FBXW7: variants seen among roughly 807,000 people sequenced by gnomAD.
FBXW7 encodes the protein F-box/WD repeat-containing protein 7.
FBXW7 carries 11 observed loss-of-function variants against 86.3 expected under a neutral mutation model. The ratio of observed to expected loss-of-function variants is 0.13; its 90% confidence interval spans 0.08 to 0.21. The LOEUF is 0.21. Among genes scored for constraint, FBXW7 ranks in the 10% least tolerant of loss-of-function variants. The pLI is 1.00. For synonymous variants in FBXW7, 313 were observed against 297.9 expected (o/e 1.05, Z -0.52); for missense variants, 488 against 847.4 (o/e 0.58, Z 5.27).
chr4:152,531,452 A>G (rs2149749395), intron 2 of FBXW7, among the ~76,000 whole-genome samples: 1 of 152,300 alleles, frequency 6.6e-6, no homozygotes, highest in South Asian at 2.1e-4. Context: ...AAAAGTGTGA[A>G]TATATATTTC....
At chr4:152,470,149 T>C (rs1186871952) in intron 2 of FBXW7, among the ~76,000 whole-genome samples, 1 of 152,066 alleles carries the variant, frequency 6.6e-6, no homozygotes, top group Non-Finnish European at 1.5e-5. Context: ...TGGTATATTA[T>C]ACATATGAAA....
chr4:152,486,516 C>T (rs1745354096), intron 2 of FBXW7, among the ~76,000 whole-genome samples: 1 of 152,048 alleles, frequency 6.6e-6, no homozygotes, highest in Non-Finnish European at 1.5e-5. Context: ...AAGACACAAA[C>T]AAACACATTA....
intron 2 of FBXW7, among the ~76,000 whole-genome samples, chr4:152,418,262 A>G (rs1345892950): frequency 6.6e-6 from 1 of 152,036 alleles, no homozygotes; most frequent in Non-Finnish European, 1.5e-5. Flanking sequence ...ATACTTAAAC[A>G]TTAATGGCTG....
intron 2 of FBXW7, among the ~76,000 whole-genome samples, chr4:152,463,740 T>C (rs1743171348): frequency 6.6e-6 from 1 of 152,174 alleles, no homozygotes; most frequent in Non-Finnish European, 1.5e-5. Context: ...AAGAAAAATG[T>C]GGTATTTCTG....
At position 152,411,670 on chromosome 4, in the gene FBXW7, A is replaced by G. The variant is rs1737981738; in HGVS notation, c.134T>C (p.Leu45Pro). 1 of 1,613,736 alleles carries G rather than the reference A, an allele frequency of 6.2e-7. No individual in the cohort carries two copies. The highest frequency in any genetic ancestry group is 1.7e-5 in the Admixed American group (1 of 59,950). Residue 45 changes from leucine to proline, a missense_variant, in exon 4 of 14, where the codon CTC (leucine) becomes CCC (proline). Leu to Pro is a moderately conservative substitution (Grantham distance 98). This residue lies in a region of FBXW7 where 230 missense variants were observed against 240.0 expected (regional missense o/e 0.96). Coordinates refer to ENST00000281708, the MANE Select transcript of FBXW7 (RefSeq NM_001349798.2). Reference sequence around the variant, plus strand: ...AGTGTGCTCCTCCTCTTGTTGTCTGAGTTGCTGTTGCTGTTCCTCCTCTAC... The same window carrying G: ...AGTGTGCTCCTCCTCTTGTTGTCTGGGTTGCTGTTGCTGTTCCTCCTCTAC... ...RVVEEEQQQQLRQQEEEHTAR... is the reference protein window; with the variant it reads ...RVVEEEQQQQPRQQEEEHTAR...
chr4:152,321,153 C>G lies in FBXW7; in HGVS notation c.*1728G>C, dbSNP rs1389501826. The stretch of plus-strand genomic sequence containing the variant: ...TTGAAGTATTGATTTCTATGTCACA[C>G]AGCAGGATGCAAAGAAACCAAGATT... On this transcript the variant is annotated 3_prime_UTR_variant, in exon 14 of 14. Transcript: ENST00000281708. The G allele has an allele frequency of 4.9e-6, 1 of 204,916 alleles. No homozygotes were observed. The highest frequency in any genetic ancestry group is 1.0e-5 in the Non-Finnish European group (1 of 100,226). The allele number at this position is 204,916 out of a possible 1,614,324, so 12.7% of individuals were successfully genotyped here.
chr4:152,332,791 C>T (rs1207195419), intron 7 of FBXW7, 72 bp from the exon 8 acceptor site: 2 of 738,756 alleles, frequency 2.7e-6, no homozygotes, highest in East Asian at 7.3e-5. Context: ...GTTAATTATT[C>T]TCCACAGGAT....
At chr4:152,462,735 T>C (rs1471407842) in intron 2 of FBXW7, among the ~76,000 whole-genome samples, 1 of 152,208 alleles carries the variant, frequency 6.6e-6, no homozygotes, top group Non-Finnish European at 1.5e-5. Flanking sequence ...GATCTTATAA[T>C]TGTTAGCTGA....
chr4:152,511,298 C>T (rs538700086), intron 2 of FBXW7, among the ~76,000 whole-genome samples: 1 of 151,198 alleles, frequency 6.6e-6, no homozygotes, highest in African/African-American at 2.4e-5. Flanking sequence ...CCCCGCCCCC[C>T]CCACCGAATC....
chr4:152,460,373 G>A (rs918140471), intron 2 of FBXW7, among the ~76,000 whole-genome samples: 7 of 152,152 alleles, frequency 4.6e-5, no homozygotes, highest in Middle Eastern at 3.4e-3. Context: ...TTAAAATAAG[G>A]AAAAATATAG....
chr4:152,418,815 G>A (rs1738682000), intron 2 of FBXW7, among the ~76,000 whole-genome samples: 1 of 152,082 alleles, frequency 6.6e-6, no homozygotes, highest in Non-Finnish European at 1.5e-5. Context: ...TCTTATTTCA[G>A]TTGAAAATGA....
At chr4:152,374,143 CA>C (rs1162159487) in intron 4 of FBXW7, among the ~76,000 whole-genome samples, 13 of 151,852 alleles carry the variant, frequency 8.6e-5, no homozygotes, top group Admixed American at 8.6e-4. Context: ...CACTCAAAAA[CA>C]AACAAACAAA....
At chr4:152,518,824 C>T (rs1487659720) in intron 2 of FBXW7, among the ~76,000 whole-genome samples, 1 of 151,716 alleles carries the variant, frequency 6.6e-6, no homozygotes, top group Non-Finnish European at 1.5e-5. Flanking sequence ...TTTAAATATC[C>T]TAATGAAAAA....
chr4:152,408,678 GTC>G (rs1737652591), intron 4 of FBXW7, among the ~76,000 whole-genome samples: 1 of 152,174 alleles, frequency 6.6e-6, no homozygotes, highest in Non-Finnish European at 1.5e-5. Flanking sequence ...ACATGGCAGA[GTC>G]TCTGACTATG....
At chr4:152,327,972 T>C (rs1209175195) in intron 11 of FBXW7, among the ~76,000 whole-genome samples, 1 of 151,332 alleles carries the variant, frequency 6.6e-6, no homozygotes, top group African/African-American at 2.4e-5. Flanking sequence ...GATTAGAGAG[T>C]AGAGAGTTTC....
intron 2 of FBXW7, among the ~76,000 whole-genome samples, chr4:152,417,051 A>G (rs1193916606): frequency 6.6e-6 from 1 of 152,126 alleles, no homozygotes; most frequent in African/African-American, 2.4e-5. Context: ...TCCCTCAGGC[A>G]GCACTGTTAC....
At chr4:152,325,875 T>C (rs970746133) in intron 12 of FBXW7, 131 bp downstream of exon 12, 1 of 637,718 alleles carries the variant, frequency 1.6e-6, no homozygotes, top group Non-Finnish European at 2.6e-6. Flanking sequence ...TTAACGTATA[T>C]AAAAACAGCA....
At chr4:152,445,985 A>G (rs1232202044) in intron 2 of FBXW7, among the ~76,000 whole-genome samples, 1 of 151,798 alleles carries the variant, frequency 6.6e-6, no homozygotes, top group Non-Finnish European at 1.5e-5. Flanking sequence ...TAAGAGTTCA[A>G]TCAATGAACC....
chr4:152,470,612 C>T (rs1743862591), intron 2 of FBXW7, among the ~76,000 whole-genome samples: 1 of 152,028 alleles, frequency 6.6e-6, no homozygotes, highest in Non-Finnish European at 1.5e-5. Flanking sequence ...ATCAATTTTA[C>T]TATTTACAAA....
Sources: allele counts gnomAD v4.1 joint callset (sites outside exome capture counted in the v4.1 genomes callset), GRCh38; gene constraint gnomAD v4.1.1; regional missense constraint gnomAD v4.1.1; transcripts MANE v1.5; gene names NCBI Gene and HGNC (gene_info 2026-07-23, HGNC 2026-07-21).